The following PRKAR1B variants were observed in gnomAD, a reference collection of about 807,000 sequenced individuals.
PRKAR1B encodes cAMP-dependent protein kinase type I-beta regulatory subunit.
Under a neutral mutation model 46.5 loss-of-function variants are expected in PRKAR1B, and 22 were observed. That is an observed-to-expected ratio of 0.47 (90% CI 0.34 to 0.68). The LOEUF (loss-of-function observed/expected upper bound fraction) is 0.68, where lower values mean the gene tolerates loss of function less well. PRKAR1B is among the 30% of genes least tolerant of loss of function. The pLI, the probability that PRKAR1B is intolerant of heterozygous loss-of-function variation, is 0.01. For synonymous variants in PRKAR1B, 259 were observed against 217.7 expected (o/e 1.19, Z -1.67); for missense variants, 445 against 535.6 (o/e 0.83, Z 1.67).
intron 4 of PRKAR1B, among the ~76,000 whole-genome samples, chr7:649,349 G>A (rs1280748855): frequency 1.3e-5 from 2 of 152,002 alleles, no homozygotes; most frequent in Non-Finnish European, 2.9e-5. Flanking sequence ...TGTAAAAGAC[G>A]CGTTGAATGT....
chr7:553,971 G>C (rs919069876), intron 9 of PRKAR1B, among the ~76,000 whole-genome samples: 30 of 152,280 alleles, frequency 2.0e-4, no homozygotes, highest in Non-Finnish European at 8.8e-5. Flanking sequence ...GGGAGACAGG[G>C]AGCGTGCCCT....
intron 1 of PRKAR1B, among the ~76,000 whole-genome samples, chr7:718,332 A>ATG (rs1780956555): frequency 6.8e-6 from 1 of 147,830 alleles, no homozygotes; most frequent in African/African-American, 2.5e-5. Flanking sequence ...GTATGTATGT[A>ATG]TATATATATA....
At position 666,436 on chromosome 7, in the gene PRKAR1B, G is replaced by A. The variant is rs542868716; in HGVS notation, c.440+10793C>T. On this transcript the variant is annotated intron_variant, in intron 4 of 10. Coordinates refer to ENST00000537384, the MANE Select transcript of PRKAR1B (RefSeq NM_001164760.2). This position sits in a 1 kb window ranked among gnomAD's most constrained non-coding sequence, Gnocchi z 4.9. The stretch of plus-strand genomic sequence containing the variant: ...GCACCCCAGGTAGGATGCGGAATCT[G>A]CTTCGCTCCAATAGCTGACACAAGG... 7.2e-5 allele frequency among the ~76,000 whole-genome samples: 11 copies of A among 152,276 alleles called. No homozygotes were observed. The highest frequency in any genetic ancestry group is 2.4e-4 in the African/African-American group (10 of 41,540).
intron 2 of PRKAR1B, among the ~76,000 whole-genome samples, chr7:704,057 T>G (rs1481662728): frequency 6.6e-6 from 1 of 152,172 alleles, no homozygotes; most frequent in Non-Finnish European, 1.5e-5. Context: ...CTGTGAAATA[T>G]AGTTAGAACA....
chr7:596,879 C>G (rs1254574994), intron 6 of PRKAR1B, among the ~76,000 whole-genome samples: 1 of 152,276 alleles, frequency 6.6e-6, no homozygotes, highest in African/African-American at 2.4e-5. Context: ...GCCTCCCTCC[C>G]TACAGGCAGC....
At chr7:619,834 GTTGTTTTGTTTT>G (rs900532846) in intron 4 of PRKAR1B, among the ~76,000 whole-genome samples, 10 of 151,712 alleles carry the variant, frequency 6.6e-5, no homozygotes, top group African/African-American at 2.2e-4. Context: ...TTTTCTTTCT[GTTGTTTTGTTTT>G]TTGTTTTGTT....
chr7:645,195 G>C (rs1015904452), intron 4 of PRKAR1B, among the ~76,000 whole-genome samples: 4 of 152,188 alleles, frequency 2.6e-5, no homozygotes, highest in African/African-American at 9.7e-5. Context: ...AACCCGGCCT[G>C]CAGCACCCAA....
intron 6 of PRKAR1B, among the ~76,000 whole-genome samples, chr7:600,649 G>A (rs561169342): frequency 1.1e-3 from 173 of 152,318 alleles, no homozygotes; most frequent in African/African-American, 3.9e-3. Flanking sequence ...TCCCCCAGAC[G>A]TGTTGTGTGA....
At chr7:576,036 CCT>C (rs1779801623) in intron 9 of PRKAR1B, among the ~76,000 whole-genome samples, 1 of 151,628 alleles carries the variant, frequency 6.6e-6, no homozygotes, top group Middle Eastern at 3.2e-3. Flanking sequence ...GGCATCCTCT[CCT>C]CTGCACACGG....
intron 9 of PRKAR1B, among the ~76,000 whole-genome samples, chr7:577,137 T>TCCATCAGTCACCTCACCCAATG (rs1217670603): frequency 1.3e-5 from 2 of 151,302 alleles, no homozygotes; most frequent in African/African-American, 4.9e-5. Context: ...CCCGTCCAAC[T>TCCATCAGTCACCTCACCCAATG]CCATCAGCGG....
Position 602,844 on chromosome 7 carries a change from G to A in PRKAR1B, c.549+3349C>T, listed in dbSNP as rs1024922524. Among the ~76,000 whole-genome samples the A allele has an allele frequency of 2.6e-5, 4 of 152,146 alleles. No homozygotes were observed. Among genetic ancestry groups the A allele is most frequent in the African/African-American group, 7.2e-5 (3 of 41,424 alleles). On this transcript the variant is annotated intron_variant, in intron 6 of 10. Transcript: ENST00000537384. This position sits in a 1 kb window ranked among gnomAD's most constrained non-coding sequence, Gnocchi z 6.4. ...TCGTTTTTCTGAGTAATATGGAAAT[G>A]GCACGGCTCAGCCACACAAGGGCCT...
intron 9 of PRKAR1B, among the ~76,000 whole-genome samples, chr7:553,780 C>T (rs949951564): frequency 6.6e-6 from 1 of 152,280 alleles, no homozygotes; most frequent in Admixed American, 6.5e-5. Flanking sequence ...GCCCGCCACG[C>T]CTAGAATCTC....
chr7:619,502 C>G (rs924358265), intron 4 of PRKAR1B, among the ~76,000 whole-genome samples: 1 of 152,242 alleles, frequency 6.6e-6, no homozygotes, highest in Non-Finnish European at 1.5e-5. Context: ...GGTTAAGGAA[C>G]CTGCCCAAGG....
At chr7:563,137 C>T (rs928213739) in intron 9 of PRKAR1B, among the ~76,000 whole-genome samples, 3 of 152,138 alleles carry the variant, frequency 2.0e-5, no homozygotes, top group African/African-American at 7.2e-5. Context: ...CAAACATGCC[C>T]CCAGCCCTCC....
intron 4 of PRKAR1B, among the ~76,000 whole-genome samples, chr7:633,151 T>G (rs780456195): frequency 6.6e-6 from 1 of 152,128 alleles, no homozygotes; most frequent in Non-Finnish European, 1.5e-5. Context: ...CCCCCAGATA[T>G]CGCTATAAAC....
At chr7:594,522 G>A (rs1781156906) in intron 7 of PRKAR1B, among the ~76,000 whole-genome samples, 1 of 152,184 alleles carries the variant, frequency 6.6e-6, no homozygotes, top group Non-Finnish European at 1.5e-5. Context: ...TAAGGACAGA[G>A]TGGAGGGGTG....
chr7:724,848 C>T (rs563295693), intron 1 of PRKAR1B, among the ~76,000 whole-genome samples: 2 of 152,336 alleles, frequency 1.3e-5, no homozygotes, highest in African/African-American at 4.8e-5. Flanking sequence ...GCAGACAGTG[C>T]CTGGTCAAAC....
rs1451729566 is a variant in PRKAR1B, at chr7:606,073, A to G, written c.549+120T>C. On this transcript the variant is annotated intron_variant, in intron 6 of 10. Transcript: ENST00000537384. ...AGCAGTTGCATTTCTGGATTAAAAC[A>G]CTAGGAATACGGCACTCAGCGCAGT... The G allele has an allele frequency of 1.0e-5, 9 of 896,982 alleles. No homozygotes were observed. The East Asian group carries it at 2.0e-4, about 20-fold the overall frequency. The allele number at this position is 896,982 out of a possible 1,614,324, so 55.6% of individuals were successfully genotyped here.
At chr7:578,039 G>A (rs887549884) in intron 9 of PRKAR1B, among the ~76,000 whole-genome samples, 1 of 152,242 alleles carries the variant, frequency 6.6e-6, no homozygotes, top group Non-Finnish European at 1.5e-5. Flanking sequence ...GAAAGGGGCG[G>A]GAGCGCCCGG....
Sources: gnomAD v4.1 joint callset for allele counts (sites outside exome capture counted in the v4.1 genomes callset) on GRCh38, gnomAD v4.1.1 for gene constraint, Gnocchi (gnomAD v3.1) non-coding constraint, MANE v1.5 for transcripts, NCBI Gene and HGNC (gene_info 2026-07-23, HGNC 2026-07-21) for gene names.